Variants in PPFIBP1 observed in about 807,000 individuals in gnomAD.
PPFIBP1 encodes the protein PPFIB scaffold protein 1.
In PPFIBP1, 112 loss-of-function variants were observed where a neutral mutation model predicts 137.8. The ratio of observed to expected loss-of-function variants is 0.81; its 90% confidence interval spans 0.70 to 0.95. The LOEUF is 0.95. PPFIBP1 is among the 40% of genes least tolerant of loss of function. The pLI is 0.00. For synonymous variants in PPFIBP1, 378 were observed against 417.3 expected, an observed-to-expected ratio of 0.91 and a Z score of 1.15; for missense variants, 1,083 against 1,196.6, an observed-to-expected ratio of 0.91 and a Z score of 1.40.
At chr12:27,570,699 C>A (rs10842939) in intron 1 of PPFIBP1, among the ~76,000 whole-genome samples, 99,431 of 151,644 alleles carry the variant, frequency 0.66, 33,184 homozygotes, top group African/African-American at 0.78. Flanking sequence ...TCATGAGGTC[C>A]GGAGATCGAG....
At chr12:27,643,285 G>T (rs540354629) in intron 4 of PPFIBP1, among the ~76,000 whole-genome samples, 5 of 137,816 alleles carry the variant, frequency 3.6e-5, no homozygotes, top group African/African-American at 1.4e-4. Flanking sequence ...AACACCTATC[G>T]TCATTCTTCC....
Position 27,682,348 on chromosome 12 carries a change from A to G in PPFIBP1, c.2047-39A>G, listed in dbSNP as rs777895476. On this transcript the variant is annotated intron_variant, in intron 22 of 29. Transcript: ENST00000228425. ...ATCCTTTGCCAGTGGCACCCAGCCT[A>G]TACAGATAGAATTATAAAGTCAATG... 14 of 1,448,428 alleles carry G rather than the reference A, an allele frequency of 9.7e-6. No homozygotes were observed. In the South Asian group the frequency reaches 1.6e-4, roughly 17 times the overall value. The allele number at this position is 1,448,428 out of a possible 1,614,324, so 89.7% of individuals were successfully genotyped here.
intron 2 of PPFIBP1, chr12:27,592,341 C>T (rs1415384616): frequency 1.4e-5 from 8 of 558,598 alleles, no homozygotes; most frequent in Non-Finnish European, 6.2e-6. Flanking sequence ...AAGAGGAAGA[C>T]ATGGGTAACA....
chr12:27,665,548 A>G (rs1249827495), intron 12 of PPFIBP1, among the ~76,000 whole-genome samples: 5 of 152,242 alleles, frequency 3.3e-5, no homozygotes, highest in Admixed American at 3.3e-4. Flanking sequence ...AGGTACATAA[A>G]GAGAGTTGTG....
chr12:27,646,046 T>A lies in PPFIBP1; in HGVS notation c.271-16T>A. ...TTAGAGAAGATCAGCCTTACCCATATTACTTCCTTTTTCAGACAAATGGAC... is the reference window on the plus strand; with the variant it reads ...TTAGAGAAGATCAGCCTTACCCATAATACTTCCTTTTTCAGACAAATGGAC... On this transcript the variant is annotated splice_polypyrimidine_tract_variant and intron_variant, in intron 4 of 29. Transcript: ENST00000228425. 1 of 1,552,460 alleles carries A rather than the reference T, an allele frequency of 6.4e-7. No individual in the cohort carries two copies. The highest frequency in any genetic ancestry group is 8.9e-7 in the Non-Finnish European group (1 of 1,125,782).
chr12:27,534,250 C>T (rs1473466072), intron 1 of PPFIBP1, among the ~76,000 whole-genome samples: 1 of 152,048 alleles, frequency 6.6e-6, no homozygotes, highest in Non-Finnish European at 1.5e-5. Flanking sequence ...CATAAGAACC[C>T]TTCTTCTGAT....
chr12:27,568,171 G>C (rs2049843576), intron 1 of PPFIBP1, among the ~76,000 whole-genome samples: 1 of 152,218 alleles, frequency 6.6e-6, no homozygotes, highest in Admixed American at 6.5e-5. Flanking sequence ...GTGTTGTGAA[G>C]AAGAAGGGTC....
chr12:27,612,768 C>A (rs2055285905), intron 2 of PPFIBP1, among the ~76,000 whole-genome samples: 1 of 152,144 alleles, frequency 6.6e-6, no homozygotes, highest in South Asian at 2.1e-4. Context: ...TTTGTTCCCC[C>A]TATCCTAAGA....
At chr12:27,540,104 C>G (rs1356927771) in intron 1 of PPFIBP1, among the ~76,000 whole-genome samples, 1 of 151,132 alleles carries the variant, frequency 6.6e-6, no homozygotes, top group Admixed American at 6.6e-5. Flanking sequence ...CCTCTGTCAC[C>G]CAGGCTGGAG....
chr12:27,686,612 T>A (rs59337923), intron 24 of PPFIBP1, among the ~76,000 whole-genome samples: 1 of 152,194 alleles, frequency 6.6e-6, no homozygotes, highest in Non-Finnish European at 1.5e-5. Flanking sequence ...CATAATAATC[T>A]AGAGCTATTC....
rs1170285112 is a variant in PPFIBP1, at chr12:27,546,628, G to C, written c.-124+22263G>C. Among the ~76,000 whole-genome samples, 3 of 152,176 alleles carry C rather than the reference G, an allele frequency of 2.0e-5. No homozygotes were observed. In the East Asian group the frequency reaches 5.8e-4, roughly 29 times the overall value. On this transcript the variant is annotated intron_variant, in intron 1 of 29. Transcript: ENST00000228425. ...GAGCTCCTGATTCCTGCATTGGCCT[G>C]TCTGCAATCCCCTTTCTTGGGAATG...
intron 4 of PPFIBP1, among the ~76,000 whole-genome samples, chr12:27,640,466 G>A (rs530663457): frequency 1.1e-3 from 173 of 152,304 alleles, no homozygotes; most frequent in Middle Eastern, 0.01. Flanking sequence ...ACTGAGATAG[G>A]AGCTGGGGCT....
chr12:27,528,099 C>A (rs367871502), intron 1 of PPFIBP1, among the ~76,000 whole-genome samples: 2 of 151,972 alleles, frequency 1.3e-5, no homozygotes, highest in East Asian at 3.9e-4. Context: ...CAGGTGTATA[C>A]CACAACGCCT....
intron 18 of PPFIBP1, 27 bp from the exon 19 acceptor site, chr12:27,677,037 T>C (rs745729041): frequency 3.7e-6 from 6 of 1,614,070 alleles, no homozygotes; most frequent in Non-Finnish European, 5.1e-6. Flanking sequence ...CTGCGTGTGA[T>C]TGTGTGCGTT....
chr12:27,532,113 G>A (rs180894920), intron 1 of PPFIBP1, among the ~76,000 whole-genome samples: 1 of 152,312 alleles, frequency 6.6e-6, no homozygotes, highest in East Asian at 1.9e-4. Context: ...GACAGATATT[G>A]TTGTTACTAT....
At chr12:27,668,422 C>T (rs1468275649) in intron 13 of PPFIBP1, among the ~76,000 whole-genome samples, 1 of 152,190 alleles carries the variant, frequency 6.6e-6, no homozygotes, top group African/African-American at 2.4e-5. Context: ...CAGGTGTCAC[C>T]AGTCCATAGC....
At chr12:27,555,840 C>T (rs2048661350) in intron 1 of PPFIBP1, among the ~76,000 whole-genome samples, 4 of 152,234 alleles carry the variant, frequency 2.6e-5, no homozygotes, top group South Asian at 4.1e-4. Context: ...GCAAGTTGGG[C>T]ACCATTTTAC....
At chr12:27,526,179 A>T (rs902183825) in intron 1 of PPFIBP1, among the ~76,000 whole-genome samples, 15 of 152,216 alleles carry the variant, frequency 9.9e-5, no homozygotes, top group African/African-American at 3.6e-4. Context: ...TTCCAACTGC[A>T]TTTGTAATAC....
chr12:27,543,611 T>C (rs2136053515), intron 1 of PPFIBP1, among the ~76,000 whole-genome samples: 1 of 152,298 alleles, frequency 6.6e-6, no homozygotes, highest in South Asian at 2.1e-4. Flanking sequence ...TTTAATATAA[T>C]TCACGCCATG....
Sources: gnomAD v4.1 joint callset for allele counts (sites outside exome capture counted in the v4.1 genomes callset) on GRCh38, gnomAD v4.1.1 for gene constraint, MANE v1.5 for transcripts, NCBI Gene and HGNC (gene_info 2026-07-23, HGNC 2026-07-21) for gene names.